The following CHRNA2 variants were observed in gnomAD, a reference collection of about 807,000 sequenced individuals.
The protein encoded by CHRNA2 is cholinergic receptor nicotinic alpha 2 subunit, also known as neuronal acetylcholine receptor subunit alpha-2.
Under a neutral mutation model 45.5 loss-of-function variants are expected in CHRNA2, and 40 were observed. That is an observed-to-expected ratio of 0.88 (90% CI 0.68 to 1.15). CHRNA2 has a LOEUF of 1.15. CHRNA2 is among the 50% of genes most tolerant of loss of function. CHRNA2 has a pLI of 0.00. For missense variants in CHRNA2, 655 were observed against 701.7 expected, an observed-to-expected ratio of 0.93 and a Z score of 0.75; for synonymous variants, 301 against 296.7, an observed-to-expected ratio of 1.01 and a Z score of -0.15.
intron 2 of CHRNA2, among the ~76,000 whole-genome samples, chr8:27,470,567 C>T (rs370883018): frequency 7.3e-4 from 111 of 152,364 alleles, no homozygotes; most frequent in African/African-American, 2.4e-3. Flanking sequence ...CAAACAGCTT[C>T]ACCCCTTCAG....
chr8:27,476,650 C>T (rs1185692337), intron 1 of CHRNA2, among the ~76,000 whole-genome samples: 1 of 152,188 alleles, frequency 6.6e-6, no homozygotes, highest in Non-Finnish European at 1.5e-5. Context: ...ATTTAGGATC[C>T]TCAAAGATCC....
At chr8:27,477,701 A>G (rs185801666) in intron 1 of CHRNA2, among the ~76,000 whole-genome samples, 9 of 152,306 alleles carry the variant, frequency 5.9e-5, no homozygotes, top group African/African-American at 2.2e-4. Flanking sequence ...GATGTCAAAA[A>G]AAAAAGAGCT....
intron 1 of CHRNA2, among the ~76,000 whole-genome samples, chr8:27,472,328 A>C (rs550380766): frequency 2.0e-5 from 3 of 152,178 alleles, no homozygotes; most frequent in Non-Finnish European, 4.4e-5. Flanking sequence ...TGTGATCGGC[A>C]TTGACATTGG....
chr8:27,472,224 C>T (rs914779566), intron 1 of CHRNA2, among the ~76,000 whole-genome samples: 7 of 152,194 alleles, frequency 4.6e-5, no homozygotes, highest in African/African-American at 1.7e-4. Context: ...TTCTGTGAGC[C>T]ACTCTAGCAA....
intron 1 of CHRNA2, among the ~76,000 whole-genome samples, chr8:27,474,987 T>G (rs965801522): frequency 2.0e-5 from 3 of 152,264 alleles, no homozygotes; most frequent in African/African-American, 7.2e-5. Flanking sequence ...ATCTTGCTCT[T>G]TTCTCTTTTA....
intron 1 of CHRNA2, among the ~76,000 whole-genome samples, chr8:27,477,580 C>T (rs1188197274): frequency 6.6e-6 from 1 of 152,104 alleles, no homozygotes; most frequent in East Asian, 1.9e-4. Context: ...CCTGCATCCC[C>T]TGTGATAAGC....
chr8:27,464,106 C>G, intron 5 of CHRNA2, 113 bp from the exon 6 acceptor site: 5 of 1,220,308 alleles, frequency 4.1e-6, no homozygotes, highest in Admixed American at 2.0e-5. Context: ...CCCGGCCACA[C>G]TGGCGGGGTT....
intron 1 of CHRNA2, among the ~76,000 whole-genome samples, chr8:27,473,532 C>A (rs1431709459): frequency 9.4e-5 from 13 of 137,634 alleles, no homozygotes; most frequent in South Asian, 2.5e-4. Context: ...AGACCCCCCC[C>A]GCCGTCTCTA....
chr8:27,473,082 T>C (rs769745912), intron 1 of CHRNA2, among the ~76,000 whole-genome samples: 12 of 152,080 alleles, frequency 7.9e-5, no homozygotes, highest in Non-Finnish European at 1.8e-4. Context: ...AATATATATA[T>C]ATATCACTAA....
At chr8:27,470,135 G>T in intron 2 of CHRNA2, 154 bp from the exon 3 acceptor site, 1 of 772,222 alleles carries the variant, frequency 1.3e-6, no homozygotes, top group East Asian at 2.7e-5. Context: ...AGGCTGCGGG[G>T]TCGGAGCTCA....
rs1812990594 is a variant in CHRNA2, at chr8:27,474,148, G to A, written c.-136-2954C>T. Among the ~76,000 whole-genome samples the A allele has an allele frequency of 1.3e-5, 2 of 152,150 alleles. 1 individual carries two copies. The highest frequency in any genetic ancestry group is 4.1e-4 in the South Asian group (2 of 4,828). On this transcript the variant is annotated intron_variant, in intron 1 of 6. Transcript: ENST00000407991. The stretch of plus-strand genomic sequence containing the variant: ...AACAGGTTGCTCTTATGGTTGTCAG[G>A]GCCCATGACCCACAGTGGCATTGCA...
At position 27,462,954 on chromosome 8, in the gene CHRNA2, G is replaced by C. The variant is rs544628336; in HGVS notation, c.1464+25C>G. ...CTAAGTTGGTGGGGCCACCCAGGCT[G>C]GCGCCTCTCCCAACCCCAACGCACC... is the stretch of plus-strand genomic sequence containing the variant. On this transcript the variant is annotated intron_variant, in intron 6 of 6. Coordinates refer to ENST00000407991, the MANE Select transcript of CHRNA2 (RefSeq NM_000742.4). 6 of 1,613,814 alleles carry C rather than the reference G, an allele frequency of 3.7e-6. No homozygotes were observed. The South Asian group carries it at 6.6e-5, about 18-fold the overall frequency.
At chr8:27,474,195 A>T (rs1406964494) in intron 1 of CHRNA2, among the ~76,000 whole-genome samples, 1 of 152,134 alleles carries the variant, frequency 6.6e-6, no homozygotes, top group Admixed American at 6.5e-5. Context: ...TGGGTCAAGT[A>T]GGAGAAGAGG....
At chr8:27,467,433 C>A (rs1361634994) in intron 4 of CHRNA2, 95 bp from the exon 5 acceptor site, 5 of 985,114 alleles carry the variant, frequency 5.1e-6, no homozygotes, top group Non-Finnish European at 7.9e-6. Flanking sequence ...TTGGGCCAAG[C>A]AGCCCCCTTG....
rs561812612 is a variant in CHRNA2 at position 27,460,175 on chromosome 8, T to C, written c.*1454A>G. The C allele has an allele frequency of 8.5e-5, 13 of 152,298 alleles. No homozygotes were observed. In the East Asian group the frequency reaches 1.7e-3, roughly 20 times the overall value. The allele number at this position is 152,298 out of a possible 1,614,324, so 9.4% of individuals were successfully genotyped here. Reference sequence around the variant, plus strand: ...CCTCCATGCTGTCCCGAGAACCCGATGCCCACATCTGTTAGCTGCCAATGT... The same window carrying C: ...CCTCCATGCTGTCCCGAGAACCCGACGCCCACATCTGTTAGCTGCCAATGT... On this transcript the variant is annotated 3_prime_UTR_variant, in exon 7 of 7. Transcript: ENST00000407991.
Position 27,469,778 on chromosome 8 carries a change from C to T in CHRNA2, c.277G>A (p.Ala93Thr), listed in dbSNP as rs751049729. The change falls in exon 3 of 7, where the codon GCT (alanine) becomes ACT (threonine). Residue 93 changes from alanine to threonine, a missense_variant. Ala to Thr is a moderately conservative substitution (Grantham distance 58, BLOSUM62 0). Coordinates refer to ENST00000407991, the MANE Select transcript of CHRNA2 (RefSeq NM_000742.4). ...VVIVRFGLSI[A>T]QLIDVDEKNQ... Reference sequence around the variant, plus strand: ...AGGCGCACCACATCGATGAGCTGAGCGATGGACAGTCCAAAGCGCACAATC... The same window carrying T: ...AGGCGCACCACATCGATGAGCTGAGTGATGGACAGTCCAAAGCGCACAATC... 20 of 1,614,046 alleles carry T rather than the reference C, an allele frequency of 1.2e-5. No individual in the cohort carries two copies. Among genetic ancestry groups the T allele is most frequent in the Admixed American group, 5.0e-5 (3 of 60,012 alleles).
Position 27,471,072 on chromosome 8 carries a change from C to G in CHRNA2, c.-14G>C, listed in dbSNP as rs1183076550. On this transcript the variant is annotated 5_prime_UTR_variant, in exon 2 of 7. An upstream start codon of the reference 5' UTR is lost. Coordinates refer to ENST00000407991, the MANE Select transcript of CHRNA2 (RefSeq NM_000742.4). ...GGAGGGGCCCATGGCTTCTCCTGAG[C>G]ATCAGGAGGTCAGGTCAGGGCTTTG... 6.2e-7 allele frequency: 1 copy of G among 1,612,678 alleles called. No homozygotes were observed. The highest frequency in any genetic ancestry group is 2.2e-5 in the East Asian group (1 of 44,850).
At chr8:27,464,968 G>GC (rs1188192929) in intron 5 of CHRNA2, among the ~76,000 whole-genome samples, 2 of 152,150 alleles carry the variant, frequency 1.3e-5, no homozygotes, top group Non-Finnish European at 1.5e-5. Context: ...CAGACCCTTT[G>GC]GGGGAAAACT....
In CHRNA2 at chr8:27,463,830, T is replaced by C. The variant is rs1812609872; in HGVS notation, c.613A>G (p.Thr205Ala). ...QNCKMKFGSW[T>A]YDKAKIDLEQ... ...AGGTCGATCTTGGCCTTGTCATAAGTCCAGGAGCCAAACTTCATCTTGCAG... is the reference window on the plus strand; with the variant it reads ...AGGTCGATCTTGGCCTTGTCATAAGCCCAGGAGCCAAACTTCATCTTGCAG... Residue 205 changes from threonine (T) to alanine (A), a missense_variant, in exon 6 of 7, where the codon ACT (threonine) becomes GCT (alanine). Around this residue, in one of 3 missense-constraint regions of CHRNA2, gnomAD observed 323 missense variants for 354.4 expected, o/e 0.91. Coordinates refer to ENST00000407991, the MANE Select transcript of CHRNA2 (RefSeq NM_000742.4). This position sits in a 1 kb window ranked among gnomAD's most constrained non-coding sequence, Gnocchi z 6.1. The C allele has an allele frequency of 9.3e-6, 15 of 1,614,122 alleles. No individual in the cohort carries two copies. Among genetic ancestry groups the C allele is most frequent in the Non-Finnish European group, 1.3e-5 (15 of 1,179,986 alleles).
Sources: gnomAD v4.1 joint callset for allele counts (sites outside exome capture counted in the v4.1 genomes callset) on GRCh38, gnomAD v4.1.1 for gene constraint, gnomAD v4.1.1 regional missense constraint, Gnocchi (gnomAD v3.1) non-coding constraint, MANE v1.5 for transcripts, NCBI Gene and HGNC (gene_info 2026-07-23, HGNC 2026-07-21) for gene names.